Variants in UNC13B observed in about 807,000 individuals in gnomAD.
The protein encoded by UNC13B is unc-13 homolog B.
In UNC13B, 144 loss-of-function variants were observed where a neutral mutation model predicts 211.0. The observed-to-expected ratio is 0.68, with a 90% CI of 0.60 to 0.78. UNC13B has a LOEUF of 0.78. Among genes scored for constraint, UNC13B ranks in the 30% least tolerant of loss-of-function variants. The probability of loss-of-function intolerance (pLI) is 0.00; values close to 1 mark genes in which losing one functional copy is unlikely to be tolerated. For synonymous variants in UNC13B, 709 were observed against 725.8 expected (o/e 0.98, Z 0.37); for missense variants, 1,777 against 2,002.0 (o/e 0.89, Z 2.14).
chr9:35,226,939 G>C (rs573977739), intron 1 of UNC13B, among the ~76,000 whole-genome samples: 21 of 152,134 alleles, frequency 1.4e-4, no homozygotes, highest in Non-Finnish European at 2.6e-4. Context: ...TCACTATATC[G>C]TTGACTAGCA....
At chr9:35,375,673 TC>T (rs1423106677) in intron 14 of UNC13B, among the ~76,000 whole-genome samples, 1 of 152,164 alleles carries the variant, frequency 6.6e-6, no homozygotes, top group Non-Finnish European at 1.5e-5. Context: ...TTCTGGTATC[TC>T]CCTGCAGAAC....
chr9:35,195,322 AG>A (rs113071196), intron 1 of UNC13B, among the ~76,000 whole-genome samples: 22,044 of 152,188 alleles, frequency 0.14, 1,845 homozygotes, highest in Admixed American at 0.25. Context: ...TATCTGCCTA[AG>A]TGAGTTCTTC....
intron 6 of UNC13B, among the ~76,000 whole-genome samples, chr9:35,253,614 C>T (rs748220260): frequency 7.9e-5 from 12 of 152,132 alleles, no homozygotes; most frequent in Middle Eastern, 3.2e-3. Context: ...CAGTGTGTAA[C>T]GTTTCCCATA....
chr9:35,311,878 C>A (rs1018964801), intron 10 of UNC13B, among the ~76,000 whole-genome samples: 2 of 152,124 alleles, frequency 1.3e-5, no homozygotes, highest in Non-Finnish European at 2.9e-5. Flanking sequence ...CATAATGAAG[C>A]TGAGTACAGA....
At chr9:35,236,440 T>C in intron 3 of UNC13B, 29 bp from the exon 4 acceptor site, 1 of 1,572,550 alleles carries the variant, frequency 6.4e-7, no homozygotes, top group Non-Finnish European at 8.7e-7. Flanking sequence ...TGTCTAGCTT[T>C]CCTCAAAGGG....
At chr9:35,292,502 TA>T (rs1829150499) in intron 7 of UNC13B, among the ~76,000 whole-genome samples, 1 of 152,204 alleles carries the variant, frequency 6.6e-6, no homozygotes. Flanking sequence ...CTTCACCTAT[TA>T]AAAATGAACC....
chr9:35,169,759 G>A (rs1207535792), intron 1 of UNC13B, among the ~76,000 whole-genome samples: 1 of 152,174 alleles, frequency 6.6e-6, no homozygotes, highest in Non-Finnish European at 1.5e-5. Flanking sequence ...AAACTGTTCT[G>A]TTCCTTATAA....
Position 35,396,571 on chromosome 9 carries a change from G to A in UNC13B, c.11404G>A (p.Val3802Ile). The change falls in exon 27 of 40, where the codon GTC becomes ATC. Residue 3802 changes from valine (V) to isoleucine (I), a missense_variant. Physicochemically the swap from Val to Ile is conservative, Grantham distance 29. Coordinates refer to ENST00000635942, the MANE Select transcript of UNC13B (RefSeq NM_001371189.2). ...LHNEYVRDLP[V>I]LQGQVPEYPA... ...CAATGAATACGTGCGGGATCTGCCT[G>A]TCCTCCAGGGGCAGGTGCCTGAGTA... is the stretch of plus-strand genomic sequence containing the variant. 6.2e-7 allele frequency: 1 copy of A among 1,614,066 alleles called. No homozygotes were observed.
chr9:35,249,408 C>T (rs1008108954), intron 6 of UNC13B, among the ~76,000 whole-genome samples: 1 of 152,118 alleles, frequency 6.6e-6, no homozygotes, highest in Non-Finnish European at 1.5e-5. Flanking sequence ...ATGATGTTAG[C>T]TGGTTAGTTT....
At chr9:35,219,957 CT>C (rs1265897862) in intron 1 of UNC13B, among the ~76,000 whole-genome samples, 1 of 151,938 alleles carries the variant, frequency 6.6e-6, no homozygotes. Context: ...CGTTTTAAAG[CT>C]TTAGTGTCAC....
At chr9:35,175,172 T>A (rs1821557150) in intron 1 of UNC13B, among the ~76,000 whole-genome samples, 1 of 152,188 alleles carries the variant, frequency 6.6e-6, no homozygotes, top group Non-Finnish European at 1.5e-5. Flanking sequence ...GTGGGATCTG[T>A]GAGATAAGTT....
intron 1 of UNC13B, among the ~76,000 whole-genome samples, chr9:35,215,693 A>G (rs552623772): frequency 6.6e-6 from 1 of 152,364 alleles, no homozygotes; most frequent in South Asian, 2.1e-4. Flanking sequence ...TCATTCTAGT[A>G]CACCTGAATA....
intron 8 of UNC13B, among the ~76,000 whole-genome samples, 185 bp downstream of exon 8, chr9:35,296,115 A>T (rs1198505974): frequency 1.3e-5 from 2 of 152,196 alleles, no homozygotes; most frequent in Non-Finnish European, 2.9e-5. Context: ...ATACATTGCC[A>T]TAAGGAATTT....
At chr9:35,383,477 CT>C (rs1163541574) in intron 21 of UNC13B, among the ~76,000 whole-genome samples, 3 of 152,046 alleles carry the variant, frequency 2.0e-5, no homozygotes, top group African/African-American at 7.3e-5. Context: ...TTGATAGAGC[CT>C]TTCTGTAGAT....
At chr9:35,345,702 T>C (rs1185377080) in intron 11 of UNC13B, among the ~76,000 whole-genome samples, 3 of 152,234 alleles carry the variant, frequency 2.0e-5, no homozygotes, top group Non-Finnish European at 4.4e-5. Context: ...ATTTGTTGTA[T>C]GCTTTGTTAT....
intron 11 of UNC13B, among the ~76,000 whole-genome samples, chr9:35,315,873 T>C (rs1830427027): frequency 6.6e-6 from 1 of 152,188 alleles, no homozygotes; most frequent in Non-Finnish European, 1.5e-5. Context: ...ATGTCCGGAC[T>C]GAGGCCATCC....
intron 1 of UNC13B, among the ~76,000 whole-genome samples, chr9:35,209,082 T>G (rs1823819928): frequency 6.6e-6 from 1 of 152,198 alleles, no homozygotes; most frequent in Non-Finnish European, 1.5e-5. Flanking sequence ...TTTGCTTATT[T>G]GAGACAGGGT....
Position 35,376,174 on chromosome 9 carries a change from C to T in UNC13B, c.9762C>T (p.Gly3254=), listed in dbSNP as rs1206423771. 2.5e-6 allele frequency: 4 copies of T among 1,614,210 alleles called. No homozygotes were observed. The highest frequency in any genetic ancestry group is 2.5e-6 in the Non-Finnish European group (3 of 1,180,044). ...EGLLWGIARQ[G]MRCSECGVKC... ...TGCTCTGGGGCATTGCCCGGCAGGG[C>T]ATGCGCTGCAGCGAATGTGGAGTCA... is the stretch of plus-strand genomic sequence containing the variant. The change falls in exon 15 of 40, where the codon GGC becomes GGT. Residue 3254 remains glycine (G), a synonymous_variant. Coordinates refer to ENST00000635942, the MANE Select transcript of UNC13B (RefSeq NM_001371189.2).
chr9:35,172,192 T>A (rs1371797896), intron 1 of UNC13B, among the ~76,000 whole-genome samples: 1 of 151,804 alleles, frequency 6.6e-6, no homozygotes, highest in East Asian at 1.9e-4. Context: ...TTTTTTTTTT[T>A]AAATTGATAT....
Sources: allele counts gnomAD v4.1 joint callset (sites outside exome capture counted in the v4.1 genomes callset), GRCh38; gene constraint gnomAD v4.1.1; transcripts MANE v1.5; gene names NCBI Gene and HGNC (gene_info 2026-07-23, HGNC 2026-07-21).